DLGAP2: variants seen among roughly 807,000 people sequenced by gnomAD.
DLGAP2 encodes the protein DLG associated protein 2.
Under a neutral mutation model 100.3 loss-of-function variants are expected in DLGAP2, and 26 were observed. That is an observed-to-expected ratio of 0.26 (90% CI 0.19 to 0.36). The LOEUF (loss-of-function observed/expected upper bound fraction) is 0.36. DLGAP2 is among the 10% of genes least tolerant of loss of function. DLGAP2 has a pLI of 1.00. For synonymous variants in DLGAP2, 886 were observed against 630.1 expected (o/e 1.41, Z -6.08); for missense variants, 1,858 against 1,453.2 (o/e 1.28, Z -4.53).
At chr8:1,174,406 C>G (rs184217224) in intron 2 of DLGAP2, among the ~76,000 whole-genome samples, 2 of 151,898 alleles carry the variant, frequency 1.3e-5, no homozygotes, top group African/African-American at 4.8e-5. Context: ...TTACCATCAC[C>G]AAAATCATTA....
chr8:1,392,025 T>G (rs1796370613), intron 3 of DLGAP2, among the ~76,000 whole-genome samples: 1 of 152,218 alleles, frequency 6.6e-6, no homozygotes, highest in Non-Finnish European at 1.5e-5. Context: ...ACTGTTTGAA[T>G]CGCCTTATCT....
At chr8:985,438 A>T (rs1430276556) in intron 2 of DLGAP2, among the ~76,000 whole-genome samples, 3 of 152,238 alleles carry the variant, frequency 2.0e-5, no homozygotes, top group African/African-American at 7.2e-5. Flanking sequence ...TGTTGTCAGG[A>T]TTAAATGAGA....
intron 6 of DLGAP2, among the ~76,000 whole-genome samples, chr8:1,620,765 C>T (rs2472080): frequency 1.3e-5 from 2 of 152,152 alleles, no homozygotes; most frequent in African/African-American, 2.4e-5. Context: ...TCAGGCACCT[C>T]GTCCTCCAGG....
intron 1 of DLGAP2, among the ~76,000 whole-genome samples, chr8:843,125 T>C (rs532091239): frequency 6.6e-6 from 1 of 152,332 alleles, no homozygotes; most frequent in African/African-American, 2.4e-5. Context: ...GGATGATAGC[T>C]TTCTGTTGCT....
At chr8:756,353 G>A (rs1183805710) in intron 1 of DLGAP2, among the ~76,000 whole-genome samples, 3 of 152,140 alleles carry the variant, frequency 2.0e-5, no homozygotes, top group African/African-American at 7.2e-5. Context: ...TTGTGGGACC[G>A]CCTTTGAGGG....
intron 12 of DLGAP2, among the ~76,000 whole-genome samples, chr8:1,686,801 C>T (rs975404679): frequency 6.6e-6 from 1 of 152,106 alleles, no homozygotes; most frequent in African/African-American, 2.4e-5. Context: ...GAAATAAGTT[C>T]TAGTATACAA....
intron 3 of DLGAP2, among the ~76,000 whole-genome samples, chr8:1,452,584 G>A (rs1180907962): frequency 6.6e-6 from 1 of 152,210 alleles, no homozygotes; most frequent in Non-Finnish European, 1.5e-5. Context: ...CCAGGCAAAG[G>A]GTGGAGGCAG....
chr8:892,711 C>T (rs979969888), intron 1 of DLGAP2, among the ~76,000 whole-genome samples: 17 of 152,188 alleles, frequency 1.1e-4, no homozygotes, highest in Non-Finnish European at 1.8e-4. Flanking sequence ...CGGGGGAGAC[C>T]GGGAACCACC....
chr8:1,197,647 C>A (rs6983125), intron 2 of DLGAP2, among the ~76,000 whole-genome samples: 2 of 56,998 alleles, frequency 3.5e-5, no homozygotes, highest in African/African-American at 5.5e-5. Flanking sequence ...ACCTGAGCCA[C>A]GCCAATGTGG....
In DLGAP2 at chr8:1,646,882, G is replaced by C. The variant is rs535035659; in HGVS notation, c.1810+13836G>C. ...TGGAAAGCCAGCGTCGAAAACTTTT[G>C]TCCCTTCTTCTAATCAGCGTCTGTC... On this transcript the variant is annotated intron_variant, in intron 8 of 14. Transcript: ENST00000637795. 1.4e-3 allele frequency among the ~76,000 whole-genome samples: 217 copies of C among 152,340 alleles called. 1 individual carries two copies. The highest frequency in any genetic ancestry group is 4.9e-3 in the African/African-American group (203 of 41,590).
chr8:1,298,631 G>A (rs113872549), intron 3 of DLGAP2, among the ~76,000 whole-genome samples: 1,754 of 152,172 alleles, frequency 0.012, 35 homozygotes, highest in African/African-American at 0.04. Context: ...CATGGCAGGC[G>A]CTGAGCGTGT....
At position 1,554,772 on chromosome 8, in the gene DLGAP2, C is replaced by G. The variant is rs551572352; in HGVS notation, c.1230+5089C>G. ...GCAGGAAGGACCCACGCGCCCCAGC[C>G]CCCCCTCCCCCGCGCCCACCACCCT... On this transcript the variant is annotated intron_variant, in intron 5 of 14. Coordinates refer to ENST00000637795, the MANE Select transcript of DLGAP2 (RefSeq NM_001346810.2). Among the ~76,000 whole-genome samples the G allele has an allele frequency of 1.1e-4, 16 of 151,924 alleles. No individual in the cohort carries two copies. The South Asian group carries it at 3.1e-3, about 30-fold the overall frequency.
At chr8:1,194,891 C>T (rs564434991) in intron 2 of DLGAP2, among the ~76,000 whole-genome samples, 2 of 152,224 alleles carry the variant, frequency 1.3e-5, no homozygotes, top group Non-Finnish European at 2.9e-5. Flanking sequence ...GCTTGGTGCT[C>T]ACGCTTTGCT....
chr8:1,000,202 C>G (rs12680825), intron 2 of DLGAP2, among the ~76,000 whole-genome samples: 1,531 of 116,700 alleles, frequency 0.013, 4 homozygotes, highest in Non-Finnish European at 0.016. Flanking sequence ...TTCTTTTGCA[C>G]TGGATTTTCT....
intron 1 of DLGAP2, among the ~76,000 whole-genome samples, chr8:867,093 G>A (rs1797512500): frequency 6.6e-6 from 1 of 152,144 alleles, no homozygotes; most frequent in Admixed American, 6.5e-5. Flanking sequence ...CCACTGATTC[G>A]TGTGCCGCCT....
intron 2 of DLGAP2, chr8:1,105,071 G>A (rs1392500623): frequency 2.0e-5 from 3 of 152,340 alleles, no homozygotes; most frequent in East Asian, 1.9e-4. Flanking sequence ...GGAAAGGTGC[G>A]GTCTCATGAC....
chr8:1,155,449 T>G, intron 2 of DLGAP2, among the ~76,000 whole-genome samples: 1 of 151,528 alleles, frequency 6.6e-6, no homozygotes. Flanking sequence ...TCCCTGGGAG[T>G]CTTTTAGCAA....
chr8:1,262,798 T>G lies in DLGAP2; in HGVS notation c.106+3915T>G, dbSNP rs79138847. ...ATAATTTAAGAGTACCTGATTCTTT[T>G]TAAGCTTTATTGACAGATGCATGAT... On this transcript the variant is annotated intron_variant, in intron 3 of 14. Transcript: ENST00000637795. Among the ~76,000 whole-genome samples the G allele has an allele frequency of 5.9e-3, 904 of 152,330 alleles. 10 individuals carry two copies. The highest frequency in any genetic ancestry group is 0.021 in the African/African-American group (855 of 41,580).
At chr8:930,936 G>T (rs1798942386) in intron 2 of DLGAP2, among the ~76,000 whole-genome samples, 1 of 152,240 alleles carries the variant, frequency 6.6e-6, no homozygotes, top group African/African-American at 2.4e-5. Context: ...GATGAGTGGG[G>T]AGGGAGGCAG....
Sources: gnomAD v4.1 joint callset for allele counts (sites outside exome capture counted in the v4.1 genomes callset) on GRCh38, gnomAD v4.1.1 for gene constraint, MANE v1.5 for transcripts, NCBI Gene and HGNC (gene_info 2026-07-23, HGNC 2026-07-21) for gene names.